Variants in CSE1L observed in about 807,000 individuals in gnomAD.
The protein encoded by CSE1L is exportin-2.
In CSE1L, 24 loss-of-function variants were observed where a neutral mutation model predicts 120.4. The ratio of observed to expected loss-of-function variants is 0.20; its 90% CI spans 0.14 to 0.28. The LOEUF is 0.28. Among genes scored for constraint, CSE1L ranks in the 10% least tolerant of loss-of-function variants. CSE1L has a pLI of 1.00. For synonymous variants in CSE1L, 402 were observed against 398.3 expected, an observed-to-expected ratio of 1.01 and a Z score of -0.11; for missense variants, 830 against 1,145.2, an observed-to-expected ratio of 0.72 and a Z score of 3.97.
chr20:49,048,231 C>A (rs543781980), intron 1 of CSE1L, among the ~76,000 whole-genome samples: 1 of 147,238 alleles, frequency 6.8e-6, no homozygotes, highest in Non-Finnish European at 1.5e-5. Flanking sequence ...TCTTTCACTT[C>A]TTACCATCAG....
At chr20:49,065,998 A>G (rs919831868) in intron 3 of CSE1L, among the ~76,000 whole-genome samples, 194 bp from the exon 4 acceptor site, 5 of 152,212 alleles carry the variant, frequency 3.3e-5, no homozygotes, top group Non-Finnish European at 5.9e-5. Context: ...TGGGAAAAGG[A>G]TTCACGCTGT....
chr20:49,052,362 T>G (rs896701211), intron 1 of CSE1L, among the ~76,000 whole-genome samples: 4 of 152,198 alleles, frequency 2.6e-5, no homozygotes, highest in Admixed American at 6.5e-5. Flanking sequence ...GGGTAATTGC[T>G]AACACAGTAA....
intron 1 of CSE1L, among the ~76,000 whole-genome samples, chr20:49,052,675 C>A (rs968564694): frequency 6.6e-6 from 1 of 152,142 alleles, no homozygotes; most frequent in African/African-American, 2.4e-5. Context: ...ATTGCCCAGT[C>A]TGTAGTGCAG....
At chr20:49,059,298 T>A (rs2091833435) in intron 2 of CSE1L, among the ~76,000 whole-genome samples, 1 of 152,064 alleles carries the variant, frequency 6.6e-6, no homozygotes, top group African/African-American at 2.4e-5. Flanking sequence ...ACCTAGAGCT[T>A]TTTTTTTCCT....
chr20:49,054,730 C>A (rs533118691), intron 1 of CSE1L, among the ~76,000 whole-genome samples: 1 of 152,258 alleles, frequency 6.6e-6, no homozygotes, highest in South Asian at 2.1e-4. Flanking sequence ...TACATTTTTA[C>A]CCACTTAAGA....
Position 49,085,562 on chromosome 20 carries a change from A to ATTTTTTTTTTTTTTTTTTTTTTTTTTTTT in CSE1L, c.1723+203_1723+204insTTTTTTTTTTTTTTTTTTTTTTTTTTTTT, listed in dbSNP as rs11471947. ...ATTATCTTGTTTACTACTAACAATA[A>ATTTTTTTTTTTTTTTTTTTTTTTTTTTTT]TTTTTTTTTTTTTTTTTTTTTTTTT... On this transcript the variant is annotated intron_variant, in intron 16 of 24. Coordinates refer to ENST00000262982, the MANE Select transcript of CSE1L (RefSeq NM_001316.4). Among the ~76,000 whole-genome samples the ATTTTTTTTTTTTTTTTTTTTTTTTTTTTT allele has an allele frequency of 2.5e-5, 2 of 80,202 alleles. 1 individual carries two copies. The allele number at this position is 80,202 out of a possible 152,430, so 52.6% of individuals were successfully genotyped here.
intron 17 of CSE1L, 50 bp downstream of exon 17, chr20:49,088,156 C>G: frequency 8.0e-7 from 1 of 1,247,624 alleles, no homozygotes; most frequent in African/African-American, 1.5e-5. Flanking sequence ...TTGCTCCAAA[C>G]TGTTTGGGCC....
intron 2 of CSE1L, among the ~76,000 whole-genome samples, chr20:49,060,832 T>G (rs370654019): frequency 5.7e-4 from 86 of 152,188 alleles, no homozygotes; most frequent in Middle Eastern, 6.8e-3. Flanking sequence ...GCCAGATATA[T>G]CTTGTGAGCA....
At position 49,090,679 on chromosome 20, in the gene CSE1L, T is replaced by C. The variant is rs977006066; in HGVS notation, c.2182-63T>C. On this transcript the variant is annotated intron_variant, in intron 19 of 24. Coordinates refer to ENST00000262982, the MANE Select transcript of CSE1L (RefSeq NM_001316.4). The stretch of plus-strand genomic sequence containing the variant: ...GAACTCTGTTTTAAGACATATATCA[T>C]GTTTAACTTTTCGAATAATTATTCC... The C allele has an allele frequency of 9.2e-6, 11 of 1,199,988 alleles. No individual in the cohort carries two copies. The Admixed American group carries it at 1.7e-4, about 19-fold the overall frequency. 74.3% of individuals were successfully genotyped at this position (1,199,988 alleles called of 1,614,324 possible). A position where few individuals can be genotyped will look rare whatever the true frequency, so the allele number is the denominator to read the frequency against.
chr20:49,074,242 A>G (rs1399453830), intron 10 of CSE1L, among the ~76,000 whole-genome samples: 2 of 109,934 alleles, frequency 1.8e-5, no homozygotes, highest in Admixed American at 9.8e-5. Flanking sequence ...TTTTTAATTT[A>G]TATGATAAAA....
chr20:49,053,953 G>A (rs533283022), intron 1 of CSE1L, among the ~76,000 whole-genome samples: 1 of 152,216 alleles, frequency 6.6e-6, no homozygotes, highest in Admixed American at 6.5e-5. Context: ...CCTCCCACCA[G>A]TGGAGACTCT....
intron 14 of CSE1L, among the ~76,000 whole-genome samples, chr20:49,079,990 C>A (rs2091998938): frequency 6.6e-6 from 1 of 152,208 alleles, no homozygotes; most frequent in South Asian, 2.1e-4. Context: ...ATGAGAATCA[C>A]TTGAACCCAG....
At chr20:49,064,760 A>C (rs1231508772) in intron 3 of CSE1L, among the ~76,000 whole-genome samples, 1 of 151,620 alleles carries the variant, frequency 6.6e-6, no homozygotes, top group Non-Finnish European at 1.5e-5. Flanking sequence ...TAGACATGCC[A>C]GCCCTCTCCC....
intron 3 of CSE1L, among the ~76,000 whole-genome samples, chr20:49,065,757 C>G (rs2091887750): frequency 6.6e-6 from 1 of 150,586 alleles, no homozygotes; most frequent in Non-Finnish European, 1.5e-5. Context: ...CCATGTCCGG[C>G]TAATTTTTGT....
Position 49,094,261 on chromosome 20 carries a change from A to G in CSE1L, c.2569A>G (p.Met857Val). Residue 857 changes from methionine (M) to valine (V), a missense_variant, in exon 23 of 25, where the codon ATG becomes GTG. Around this residue, in one of 4 missense-constraint regions of CSE1L, gnomAD observed 112 missense variants for 200.0 expected, o/e 0.56. Coordinates refer to ENST00000262982, the MANE Select transcript of CSE1L (RefSeq NM_001316.4). ...ATTACTAACAGAATGTCCCCCAATG[A>G]TGGACACTGAGTATACCAAACTGTG... ...TKLLTECPPM[M>V]DTEYTKLWTP... 1 of 1,612,974 alleles carries G rather than the reference A, an allele frequency of 6.2e-7. No individual in the cohort carries two copies. The highest frequency in any genetic ancestry group is 8.5e-7 in the Non-Finnish European group (1 of 1,179,606).
chr20:49,096,038 AT>A (rs2092137716), intron 24 of CSE1L: 1 of 465,604 alleles, frequency 2.1e-6, no homozygotes. Flanking sequence ...TATTCTCTGT[AT>A]TGAGCAAGTC....
At chr20:49,094,025 C>T in intron 22 of CSE1L, 115 bp from the exon 23 acceptor site, 1 of 557,676 alleles carries the variant, frequency 1.8e-6, no homozygotes, top group Non-Finnish European at 2.8e-6. Context: ...TCAAAAACAG[C>T]AGTCTTGTTA....
intron 17 of CSE1L, 81 bp downstream of exon 17, chr20:49,088,187 G>C: frequency 1.1e-6 from 1 of 932,114 alleles, no homozygotes. Context: ...TTGGCATTAC[G>C]TGAAGCTTTA....
At chr20:49,088,794 C>T (rs1191886788) in intron 17 of CSE1L, among the ~76,000 whole-genome samples, 1 of 152,140 alleles carries the variant, frequency 6.6e-6, no homozygotes, top group Non-Finnish European at 1.5e-5. Context: ...ATTACCATCT[C>T]ATGTTCTGAT....
Sources: gnomAD v4.1 joint callset for allele counts (sites outside exome capture counted in the v4.1 genomes callset) on GRCh38, gnomAD v4.1.1 for gene constraint, gnomAD v4.1.1 regional missense constraint, MANE v1.5 for transcripts, NCBI Gene and HGNC (gene_info 2026-07-23, HGNC 2026-07-21) for gene names.